The following HCN1 variants were observed in gnomAD, a reference collection of about 807,000 sequenced individuals.
HCN1 encodes potassium/sodium hyperpolarization-activated cyclic nucleotide-gated channel 1.
In HCN1, 13 loss-of-function variants were observed where a neutral mutation model predicts 78.9. The ratio of observed to expected loss-of-function variants is 0.16; its 90% CI spans 0.11 to 0.26. HCN1 has a LOEUF of 0.26. Among genes scored for constraint, HCN1 ranks in the 10% least tolerant of loss-of-function variants. The pLI, the probability that HCN1 is intolerant of heterozygous loss-of-function variation, is 1.00. For missense variants in HCN1, 810 were observed against 1,154.3 expected (o/e 0.70, Z 4.32); for synonymous variants, 552 against 455.5 (o/e 1.21, Z -2.70).
intron 2 of HCN1, among the ~76,000 whole-genome samples, chr5:45,550,192 G>A (rs1383091916): frequency 1.3e-5 from 2 of 152,102 alleles, no homozygotes; most frequent in Non-Finnish European, 2.9e-5. Flanking sequence ...AAAGACACAT[G>A]CACACGTATG....
chr5:45,313,203 T>A (rs904626475), intron 5 of HCN1, among the ~76,000 whole-genome samples: 4 of 152,270 alleles, frequency 2.6e-5, no homozygotes, highest in East Asian at 1.9e-4. Flanking sequence ...ACATTTGCTG[T>A]TCACCAATAT....
Position 45,303,683 on chromosome 5 carries a change from T to C in HCN1, c.1534A>G (p.Met512Val), listed in dbSNP as rs755909703. 1 of 1,613,144 alleles carries C rather than the reference T, an allele frequency of 6.2e-7. No homozygotes were observed. Among genetic ancestry groups the C allele is most frequent in the African/African-American group, 1.3e-5 (1 of 74,840 alleles). The stretch of plus-strand genomic sequence containing the variant: ...GCAACACCGTGTTGAATGAAATACA[T>C]TTTTTTACCCACGGCTCCTTCTCGT... ...IIREGAVGKK[M>V]YFIQHGVAGV... Residue 512 changes from methionine (M) to valine (V), a missense_variant, in exon 6 of 8, where the codon ATG (methionine) becomes GTG (valine). By Grantham distance (21) the Met-to-Val change is conservative (BLOSUM62 1). Around this residue, in one of 6 missense-constraint regions of HCN1, gnomAD observed 100 missense variants for 126.8 expected, o/e 0.79. Transcript: ENST00000303230.
intron 4 of HCN1, among the ~76,000 whole-genome samples, chr5:45,372,232 AT>A (rs1747409528): frequency 1.7e-4 from 13 of 75,048 alleles, no homozygotes; most frequent in Admixed American, 7.8e-4. Flanking sequence ...TATATAATAT[AT>A]ATTATATTTT....
At chr5:45,391,945 G>A (rs539001166) in intron 4 of HCN1, among the ~76,000 whole-genome samples, 1 of 152,116 alleles carries the variant, frequency 6.6e-6, no homozygotes, top group African/African-American at 2.4e-5. Context: ...TAGTGAAAGG[G>A]GTAAAAGTAT....
rs897634607 is a variant in HCN1 at position 45,313,723 on chromosome 5, C to A, written c.1378-9884G>T. ...GCACGAGAACTAAGGGACGAATGCACAAGCTTCAGTAGCCAATTCGATCAA... is the reference window on the plus strand; with the variant it reads ...GCACGAGAACTAAGGGACGAATGCAAAAGCTTCAGTAGCCAATTCGATCAA... On this transcript the variant is annotated intron_variant, in intron 5 of 7. Coordinates refer to ENST00000303230, the MANE Select transcript of HCN1 (RefSeq NM_021072.4). 5.9e-5 allele frequency among the ~76,000 whole-genome samples: 9 copies of A among 152,130 alleles called. 1 individual carries two copies. Among genetic ancestry groups the A allele is most frequent in the Admixed American group, 5.2e-4 (8 of 15,274 alleles).
chr5:45,669,997 T>C (rs956340167), intron 1 of HCN1, among the ~76,000 whole-genome samples: 1 of 151,714 alleles, frequency 6.6e-6, no homozygotes, highest in African/African-American at 2.4e-5. Context: ...TGTTTCCTCC[T>C]TTTCAAGATT....
At chr5:45,286,641 A>G (rs1182173855) in intron 6 of HCN1, among the ~76,000 whole-genome samples, 1 of 152,012 alleles carries the variant, frequency 6.6e-6, no homozygotes, top group Non-Finnish European at 1.5e-5. Flanking sequence ...TGAAAATATT[A>G]GACACATCTT....
chr5:45,372,710 T>C (rs963048023), intron 4 of HCN1, among the ~76,000 whole-genome samples: 3 of 143,060 alleles, frequency 2.1e-5, no homozygotes, highest in African/African-American at 7.5e-5. Context: ...TACGTATTTA[T>C]ATATAAAAAT....
chr5:45,494,699 C>T (rs1470895922), intron 2 of HCN1, among the ~76,000 whole-genome samples: 7 of 152,038 alleles, frequency 4.6e-5, no homozygotes, highest in South Asian at 2.1e-4. Context: ...AATGGTAATG[C>T]CTAGGTTTTC....
At chr5:45,465,488 G>A (rs1741248739) in intron 2 of HCN1, among the ~76,000 whole-genome samples, 1 of 152,036 alleles carries the variant, frequency 6.6e-6, no homozygotes, top group Admixed American at 6.6e-5. Context: ...CAGGTGCGGG[G>A]GCTCACACCT....
intron 3 of HCN1, among the ~76,000 whole-genome samples, chr5:45,431,868 G>C (rs1455161121): frequency 6.6e-6 from 1 of 152,138 alleles, no homozygotes; most frequent in Non-Finnish European, 1.5e-5. Context: ...CGGATAACAT[G>C]ATGCCTCCAG....
intron 4 of HCN1, among the ~76,000 whole-genome samples, chr5:45,356,904 G>T (rs1343043941): frequency 2.6e-5 from 4 of 152,028 alleles, no homozygotes; most frequent in African/African-American, 9.7e-5. Flanking sequence ...GCCAAATGGT[G>T]TGAGTATTTG....
chr5:45,428,130 T>C (rs1461382292), intron 3 of HCN1, among the ~76,000 whole-genome samples: 1 of 152,046 alleles, frequency 6.6e-6, no homozygotes, highest in East Asian at 1.9e-4. Flanking sequence ...CATAGAAACA[T>C]TAAAAGAATT....
chr5:45,586,654 C>T (rs972509585), intron 2 of HCN1, among the ~76,000 whole-genome samples: 18 of 152,106 alleles, frequency 1.2e-4, no homozygotes, highest in Non-Finnish European at 2.5e-4. Context: ...TCCTATTTGG[C>T]CATCTTGGCT....
At chr5:45,669,216 G>A (rs563877355) in intron 1 of HCN1, among the ~76,000 whole-genome samples, 101 of 151,900 alleles carry the variant, frequency 6.6e-4, no homozygotes, top group Admixed American at 1.8e-3. Flanking sequence ...AACTAACTTG[G>A]GGAAGGCAAA....
chr5:45,615,875 G>A (rs1259022535), intron 2 of HCN1, among the ~76,000 whole-genome samples: 1 of 151,726 alleles, frequency 6.6e-6, no homozygotes, highest in Non-Finnish European at 1.5e-5. Context: ...TTGCAAAATA[G>A]CTTGAAATGC....
intron 2 of HCN1, among the ~76,000 whole-genome samples, chr5:45,504,722 T>C (rs1003413538): frequency 2.6e-5 from 4 of 152,228 alleles, no homozygotes; most frequent in Non-Finnish European, 5.9e-5. Context: ...ACCAACAGTG[T>C]AAAAGTGTTC....
At chr5:45,651,913 TA>T (rs1303456870) in intron 1 of HCN1, among the ~76,000 whole-genome samples, 25 of 152,022 alleles carry the variant, frequency 1.6e-4, no homozygotes, top group African/African-American at 5.8e-4. Flanking sequence ...TTTCTTAAAA[TA>T]GTAAACCCTT....
chr5:45,438,601 A>C (rs1254162650), intron 3 of HCN1, among the ~76,000 whole-genome samples: 1 of 151,812 alleles, frequency 6.6e-6, no homozygotes, highest in Non-Finnish European at 1.5e-5. Context: ...AAAAAAAAAA[A>C]ACAAAACAAA....
Sources: gnomAD v4.1 joint callset for allele counts (sites outside exome capture counted in the v4.1 genomes callset) on GRCh38, gnomAD v4.1.1 for gene constraint, gnomAD v4.1.1 regional missense constraint, MANE v1.5 for transcripts, NCBI Gene and HGNC (gene_info 2026-07-23, HGNC 2026-07-21) for gene names.